The following C8orf34 variants were observed in gnomAD, a reference collection of about 807,000 sequenced individuals.
C8orf34 encodes chromosome 8 open reading frame 34.
C8orf34 carries 65 observed loss-of-function variants against 68.3 expected under a neutral mutation model. The observed-to-expected ratio is 0.95, with a 90% CI of 0.78 to 1.17. The LOEUF is 1.17. Ranked by LOEUF, C8orf34 falls within the 50% of genes most tolerant of loss-of-function variation. C8orf34 has a pLI of 0.00. For missense variants in C8orf34, 664 were observed against 655.4 expected (o/e 1.01, Z -0.14); for synonymous variants, 244 against 241.2 (o/e 1.01, Z -0.11).
intron 7 of C8orf34, chr8:68,534,179 C>G (rs990989747): frequency 6.1e-6 from 6 of 985,146 alleles, no homozygotes; most frequent in Non-Finnish European, 7.2e-6. Flanking sequence ...TCAATGGTGA[C>G]AGGTTTGAAA....
intron 1 of C8orf34, among the ~76,000 whole-genome samples, chr8:68,394,386 A>G (rs1455818379): frequency 2.0e-5 from 3 of 151,274 alleles, no homozygotes; most frequent in Admixed American, 6.6e-5. Context: ...ATGATTTCCA[A>G]TTTCATCCAT....
rs1298945118 is a variant in C8orf34, at chr8:68,748,645, A to C, written c.1404+27208A>C. Among the ~76,000 whole-genome samples the C allele has an allele frequency of 5.9e-5, 9 of 152,178 alleles. No homozygotes were observed. In the East Asian group the frequency reaches 1.5e-3, roughly 26 times the overall value. ...AAAAACACATGAAAAAATGCTCACCATCACTGGCCATCAGAGAAATGCAAA... is the reference window on the plus strand; with the variant it reads ...AAAAACACATGAAAAAATGCTCACCCTCACTGGCCATCAGAGAAATGCAAA... On this transcript the variant is annotated intron_variant, in intron 10 of 13. Coordinates refer to ENST00000518698, the MANE Select transcript of C8orf34 (RefSeq NM_052958.4).
chr8:68,604,343 T>G (rs896754301), intron 7 of C8orf34, among the ~76,000 whole-genome samples: 1 of 151,820 alleles, frequency 6.6e-6, no homozygotes, highest in African/African-American at 2.4e-5. Flanking sequence ...AATAACATTT[T>G]AAAATAAAAT....
At chr8:68,628,484 C>T (rs1279698256) in intron 7 of C8orf34, among the ~76,000 whole-genome samples, 1 of 152,090 alleles carries the variant, frequency 6.6e-6, no homozygotes, top group African/African-American at 2.4e-5. Flanking sequence ...AAAATGTTTT[C>T]ATACACGTTT....
chr8:68,682,409 G>A (rs747463952), intron 8 of C8orf34, among the ~76,000 whole-genome samples: 2 of 152,010 alleles, frequency 1.3e-5, no homozygotes, highest in African/African-American at 2.4e-5. Flanking sequence ...GATTTAGATT[G>A]GTGCCTTCTC....
chr8:68,535,724 A>G (rs1563515132), intron 7 of C8orf34: 20 of 921,544 alleles, frequency 2.2e-5, no homozygotes, highest in Non-Finnish European at 2.6e-5. Flanking sequence ...AGTAGATCAA[A>G]TATTTTCTGT....
intron 7 of C8orf34, among the ~76,000 whole-genome samples, chr8:68,638,049 T>C (rs1275437753): frequency 6.6e-6 from 1 of 152,146 alleles, no homozygotes; most frequent in Non-Finnish European, 1.5e-5. Context: ...TGAGAATGGC[T>C]GTAATTAAGT....
intron 7 of C8orf34, among the ~76,000 whole-genome samples, chr8:68,627,036 C>T (rs1047868035): frequency 6.6e-6 from 1 of 151,772 alleles, no homozygotes; most frequent in Non-Finnish European, 1.5e-5. Flanking sequence ...AAATGATGAG[C>T]TTTTGCAAGA....
chr8:68,551,874 G>A (rs1468635984), intron 7 of C8orf34, among the ~76,000 whole-genome samples: 5 of 152,060 alleles, frequency 3.3e-5, no homozygotes, highest in Admixed American at 2.6e-4. Flanking sequence ...TTATGCCCAT[G>A]ATTTCTGTTG....
intron 8 of C8orf34, among the ~76,000 whole-genome samples, chr8:68,707,027 C>T (rs1821186258): frequency 6.6e-6 from 1 of 152,036 alleles, no homozygotes; most frequent in Admixed American, 6.6e-5. Context: ...GAAAGCAAAG[C>T]AAAAAGCTTT....
intron 1 of C8orf34, among the ~76,000 whole-genome samples, chr8:68,417,769 C>T (rs981233234): frequency 1.3e-5 from 2 of 151,976 alleles, no homozygotes; most frequent in African/African-American, 2.4e-5. Context: ...ATTGACTTGG[C>T]GATGCGGGCT....
At chr8:68,534,953 A>C in intron 7 of C8orf34, 1 of 985,416 alleles carries the variant, frequency 1.0e-6, no homozygotes, top group Non-Finnish European at 1.2e-6. Flanking sequence ...GGTCTGAGCA[A>C]GTTTAATAAT....
At chr8:68,433,392 T>C (rs1469147472) in intron 1 of C8orf34, among the ~76,000 whole-genome samples, 1 of 152,124 alleles carries the variant, frequency 6.6e-6, no homozygotes, top group Non-Finnish European at 1.5e-5. Flanking sequence ...TAGAGTACAA[T>C]GCCCTGCATA....
chr8:68,508,894 TCTCG>T (rs1486610253), intron 5 of C8orf34, among the ~76,000 whole-genome samples: 1 of 152,118 alleles, frequency 6.6e-6, no homozygotes, highest in Non-Finnish European at 1.5e-5. Context: ...AAACAGGGAC[TCTCG>T]CTAGGCCAGA....
At chr8:68,795,324 C>CTTTTTTTTTTTTT (rs59226472) in intron 12 of C8orf34, among the ~76,000 whole-genome samples, 3 of 127,412 alleles carry the variant, frequency 2.4e-5, no homozygotes, top group Non-Finnish European at 3.4e-5. Context: ...TTATTGACTG[C>CTTTTTTTTTTTTT]TTTTTTTTTT....
At chr8:68,537,569 A>G (rs537260474) in intron 7 of C8orf34, among the ~76,000 whole-genome samples, 1 of 148,196 alleles carries the variant, frequency 6.7e-6, no homozygotes, top group Admixed American at 6.7e-5. Context: ...TGAAAAATGA[A>G]CTGCTTAGAG....
At chr8:68,561,423 T>G (rs1010090148) in intron 7 of C8orf34, among the ~76,000 whole-genome samples, 1 of 152,210 alleles carries the variant, frequency 6.6e-6, no homozygotes, top group African/African-American at 2.4e-5. Context: ...TTTACAAAAT[T>G]TTTAACTTTT....
chr8:68,547,059 GATGAA>G (rs1219270065), intron 7 of C8orf34, among the ~76,000 whole-genome samples: 2 of 151,596 alleles, frequency 1.3e-5, no homozygotes, highest in Non-Finnish European at 3.0e-5. Flanking sequence ...GAAAAATACA[GATGAA>G]ATGAATCAAT....
intron 7 of C8orf34, among the ~76,000 whole-genome samples, chr8:68,581,942 A>T (rs1221573588): frequency 6.6e-6 from 1 of 152,174 alleles, no homozygotes; most frequent in Non-Finnish European, 1.5e-5. Context: ...GGGAAAGCAC[A>T]CACACACAAA....
Sources: allele counts gnomAD v4.1 joint callset (sites outside exome capture counted in the v4.1 genomes callset), GRCh38; gene constraint gnomAD v4.1.1; transcripts MANE v1.5; gene names NCBI Gene and HGNC (gene_info 2026-07-23, HGNC 2026-07-21).